The following ATP8A2 variants were observed in gnomAD, a reference collection of about 807,000 sequenced individuals.
ATP8A2 encodes ATPase phospholipid transporting 8A2.
In ATP8A2, 100 loss-of-function variants were observed where a neutral mutation model predicts 165.6. The observed-to-expected ratio is 0.60, with a 90% confidence interval of 0.51 to 0.71. ATP8A2 has a LOEUF of 0.71. ATP8A2 is among the 30% of genes least tolerant of loss of function. The pLI is 0.00. For missense variants in ATP8A2, 1,227 were observed against 1,479.5 expected (o/e 0.83, Z 2.80); for synonymous variants, 543 against 548.8 (o/e 0.99, Z 0.15).
intron 24 of ATP8A2, among the ~76,000 whole-genome samples, chr13:25,608,923 A>G (rs1183210307): frequency 2.6e-5 from 4 of 152,144 alleles, no homozygotes; most frequent in Non-Finnish European, 5.9e-5. Flanking sequence ...AAAAACCTAT[A>G]CTTACAAATC....
At chr13:25,785,940 T>C (rs2045013655) in intron 27 of ATP8A2, among the ~76,000 whole-genome samples, 1 of 152,250 alleles carries the variant, frequency 6.6e-6, no homozygotes, top group African/African-American at 2.4e-5. Context: ...TTGTAGAGGA[T>C]CAAGAGCAGG....
At chr13:25,891,990 C>CTTTTTTTTTT (rs370206922) in intron 33 of ATP8A2, among the ~76,000 whole-genome samples, 2 of 142,720 alleles carry the variant, frequency 1.4e-5, no homozygotes, top group South Asian at 2.2e-4. Flanking sequence ...AAGCCTTTTT[C>CTTTTTTTTTT]TTTTTTTTTT....
At chr13:25,627,613 A>G (rs1044609509) in intron 24 of ATP8A2, among the ~76,000 whole-genome samples, 2 of 152,164 alleles carry the variant, frequency 1.3e-5, no homozygotes, top group Non-Finnish European at 1.5e-5. Flanking sequence ...TTTATCAGTA[A>G]CATAATTGGC....
intron 35 of ATP8A2, among the ~76,000 whole-genome samples, chr13:25,991,979 G>A (rs1054818397): frequency 6.7e-6 from 1 of 149,680 alleles, no homozygotes; most frequent in Non-Finnish European, 1.5e-5. Flanking sequence ...AGTTTGGGCT[G>A]CACATTAGTG....
chr13:25,605,271 A>G (rs1311492705), intron 24 of ATP8A2, among the ~76,000 whole-genome samples: 8 of 152,142 alleles, frequency 5.3e-5, no homozygotes, highest in Admixed American at 1.3e-4. Context: ...GACTTCCATG[A>G]TGTGTCTAAG....
In ATP8A2 at chr13:25,740,463, G is replaced by C. The variant is rs117086885; in HGVS notation, c.2385-28583G>C. On this transcript the variant is annotated intron_variant, in intron 25 of 36. Transcript: ENST00000381655. ...AAAGCGACATAACAACAGGGAGTGT[G>C]GGACTCTATGACAATAGGAATGATG... 3.1e-3 allele frequency among the ~76,000 whole-genome samples: 474 copies of C among 152,242 alleles called. 2 individuals are homozygous for C. The highest frequency in any genetic ancestry group is 5.2e-3 in the Non-Finnish European group (355 of 68,026).
At chr13:25,669,525 G>C (rs143933302) in intron 24 of ATP8A2, among the ~76,000 whole-genome samples, 242 of 152,330 alleles carry the variant, frequency 1.6e-3, no homozygotes, top group South Asian at 3.1e-3. Context: ...AGATCCACCA[G>C]TGGGGCAAAC....
At chr13:25,818,930 G>T (rs1951093183) in intron 27 of ATP8A2, among the ~76,000 whole-genome samples, 1 of 152,142 alleles carries the variant, frequency 6.6e-6, no homozygotes, top group Non-Finnish European at 1.5e-5. Flanking sequence ...GTGCGGTGTG[G>T]TGATAAAGAC....
chr13:25,815,122 A>C (rs1464567242), intron 27 of ATP8A2, among the ~76,000 whole-genome samples: 1 of 152,214 alleles, frequency 6.6e-6, no homozygotes, highest in Admixed American at 6.5e-5. Flanking sequence ...ATAAGGGGAC[A>C]GTTTCATGAC....
chr13:25,804,577 A>C (rs1411511225), intron 27 of ATP8A2, among the ~76,000 whole-genome samples: 1 of 152,330 alleles, frequency 6.6e-6, no homozygotes, highest in South Asian at 2.1e-4. Context: ...GTACCTCTAC[A>C]CAGTGGAGCT....
At chr13:25,862,276 T>A (rs1952379209) in intron 32 of ATP8A2, 25 bp from the exon 33 acceptor site, 1 of 1,579,936 alleles carries the variant, frequency 6.3e-7, no homozygotes, top group Non-Finnish European at 8.7e-7. Context: ...GAGAAGCCTG[T>A]CTGAGTGTCT....
At chr13:25,651,780 TC>T (rs1329582534) in intron 24 of ATP8A2, among the ~76,000 whole-genome samples, 1 of 152,182 alleles carries the variant, frequency 6.6e-6, no homozygotes, top group African/African-American at 2.4e-5. Flanking sequence ...GTCAGTGTCT[TC>T]TAAAGTATGT....
At chr13:25,967,142 A>T (rs1048469320) in intron 34 of ATP8A2, among the ~76,000 whole-genome samples, 1 of 152,216 alleles carries the variant, frequency 6.6e-6, no homozygotes, top group African/African-American at 2.4e-5. Context: ...GTACATTTTA[A>T]CATCGTTTTT....
rs151229106 is a variant in ATP8A2, at chr13:25,950,777, A to G, written c.3184-10798A>G. 199 of 152,390 alleles carry G rather than the reference A, an allele frequency of 1.3e-3. 1 individual carries two copies. Among genetic ancestry groups the G allele is most frequent in the African/African-American group, 3.8e-3 (158 of 41,546 alleles). The allele number at this position is 152,390 out of a possible 1,614,324, so 9.4% of individuals were successfully genotyped here. ...GAAGGGGCAGTTGGATCTGTACCTG[A>G]CTGTGAATAAACAGTGGAGGTAACT... On this transcript the variant is annotated intron_variant, in intron 33 of 36. Coordinates refer to ENST00000381655, the MANE Select transcript of ATP8A2 (RefSeq NM_016529.6).
intron 24 of ATP8A2, among the ~76,000 whole-genome samples, chr13:25,697,348 C>T (rs1159244397): frequency 1.3e-5 from 2 of 152,168 alleles, no homozygotes; most frequent in Non-Finnish European, 2.9e-5. Context: ...GGTGCAATCT[C>T]GGCTCACTGC....
In ATP8A2 at chr13:25,699,275, G is replaced by A. The variant is rs764092726; in HGVS notation, c.2314G>A (p.Ala772Thr). ...CATCGATGGCCACACCCTGAAGTAC[G>A]CGCTCTCCTTCGAAGTCCGGAGGAG... ...LIIDGHTLKY[A>T]LSFEVRRSFL... is the part of the protein sequence containing the mutation. Residue 772 changes from alanine to threonine, a missense_variant, in exon 25 of 37, where the codon GCG becomes ACG. By Grantham distance (58) the Ala-to-Thr change is moderately conservative. Coordinates refer to ENST00000381655, the MANE Select transcript of ATP8A2 (RefSeq NM_016529.6). 3.1e-6 allele frequency: 5 copies of A among 1,613,774 alleles called. No homozygotes were observed. The highest frequency in any genetic ancestry group is 2.5e-6 in the Non-Finnish European group (3 of 1,179,850).
rs536749618 is a variant in ATP8A2 at position 25,646,577 on chromosome 13, C to T, written c.2212-52596C>T. The stretch of plus-strand genomic sequence containing the variant: ...AGGCTGAGGTAGAGAATTGCTTGAA[C>T]CTGGAAGGTGGAGGTTGCAGTGAGC... On this transcript the variant is annotated intron_variant, in intron 24 of 36. Coordinates refer to ENST00000381655, the MANE Select transcript of ATP8A2 (RefSeq NM_016529.6). Among the ~76,000 whole-genome samples, 6 of 143,916 alleles carry T rather than the reference C, an allele frequency of 4.2e-5. No homozygotes were observed. In the East Asian group the frequency reaches 8.6e-4, roughly 21 times the overall value. The allele number at this position is 143,916 out of a possible 152,430, so 94.4% of individuals were successfully genotyped here. A position where few individuals can be genotyped will look rare whatever the true frequency, so the allele number is the denominator to read the frequency against.
intron 24 of ATP8A2, among the ~76,000 whole-genome samples, chr13:25,662,840 C>T (rs1360654457): frequency 1.3e-5 from 2 of 152,158 alleles, no homozygotes; most frequent in African/African-American, 2.4e-5. Flanking sequence ...CATGCAGCAT[C>T]CTTTTAGAAT....
intron 25 of ATP8A2, among the ~76,000 whole-genome samples, chr13:25,733,977 C>T (rs1477336305): frequency 6.6e-6 from 1 of 152,194 alleles, no homozygotes; most frequent in Non-Finnish European, 1.5e-5. Context: ...TGAGGAACAG[C>T]TGGTTACCTC....
Sources: allele counts gnomAD v4.1 joint callset (sites outside exome capture counted in the v4.1 genomes callset), GRCh38; gene constraint gnomAD v4.1.1; transcripts MANE v1.5; gene names NCBI Gene and HGNC (gene_info 2026-07-23, HGNC 2026-07-21).